Variants in ITGA6 observed in about 807,000 individuals in gnomAD.
The protein encoded by ITGA6 is integrin subunit alpha 6.
In ITGA6, 63 loss-of-function variants were observed where a neutral mutation model predicts 133.6. The ratio of observed to expected loss-of-function variants is 0.47; its 90% CI spans 0.38 to 0.58. The LOEUF is 0.58. Ranked by LOEUF, ITGA6 falls within the 20% of genes least tolerant of loss-of-function variation. The pLI is 0.00. For synonymous variants in ITGA6, 434 were observed against 482.0 expected (o/e 0.90, Z 1.30); for missense variants, 1,068 against 1,309.4 (o/e 0.82, Z 2.85).
chr2:172,432,064 A>G (rs560265969), intron 1 of ITGA6, among the ~76,000 whole-genome samples: 68 of 152,350 alleles, frequency 4.5e-4, no homozygotes, highest in Admixed American at 8.5e-4. Context: ...TCGGCTCAAC[A>G]TATTACTGTG....
At chr2:172,494,490 AGAGTG>A (rs1174611392) in intron 23 of ITGA6, among the ~76,000 whole-genome samples, 1 of 152,216 alleles carries the variant, frequency 6.6e-6, no homozygotes, top group Non-Finnish European at 1.5e-5. Flanking sequence ...CCAGGACAAC[AGAGTG>A]AGGCCCTGTC....
intron 1 of ITGA6, among the ~76,000 whole-genome samples, chr2:172,440,192 T>C (rs1330234153): frequency 2.6e-5 from 4 of 152,216 alleles, no homozygotes; most frequent in African/African-American, 9.7e-5. Flanking sequence ...ATATGAGTCC[T>C]GTTGGTTTGT....
rs61757097 is a variant in ITGA6, at chr2:172,491,304, G to C, written c.2862G>C (p.Ser954=). The part of the protein sequence containing the change: ...LDSKASLILR[S]RLWNSTFLEE... ...GCAAGGCGTCTCTTATTTTGCGCTCGAGGTTATGGAACAGCACATTTCTAG... is the reference window on the plus strand; with the variant it reads ...GCAAGGCGTCTCTTATTTTGCGCTCCAGGTTATGGAACAGCACATTTCTAG... The change falls in exon 22 of 26, where the codon TCG becomes TCC. Residue 954 remains serine (S), a synonymous_variant. Transcript: ENST00000684293. This position sits in a 1 kb window ranked among gnomAD's most constrained non-coding sequence, Gnocchi z 4.4. The C allele has an allele frequency of 4.9e-3, 7,862 of 1,611,538 alleles. 187 individuals carry two copies. The South Asian group carries it at 0.05, about 10-fold the overall frequency.
chr2:172,499,031 C>CGG (rs979525524), intron 24 of ITGA6, among the ~76,000 whole-genome samples: 1 of 152,152 alleles, frequency 6.6e-6, no homozygotes, highest in Non-Finnish European at 1.5e-5. Context: ...CAAACATGTC[C>CGG]GGTCTGGAGG....
At chr2:172,502,367 G>A (rs953201745) in intron 25 of ITGA6, among the ~76,000 whole-genome samples, 5 of 152,136 alleles carry the variant, frequency 3.3e-5, no homozygotes, top group Non-Finnish European at 7.4e-5. Context: ...GAAATGTTGT[G>A]TTTCTCTTGG....
intron 25 of ITGA6, among the ~76,000 whole-genome samples, chr2:172,502,200 A>G (rs575898864): frequency 1.8e-4 from 28 of 152,338 alleles, no homozygotes; most frequent in African/African-American, 6.7e-4. Context: ...TTAGCCCTCC[A>G]TAGTAGCCCA....
chr2:172,472,380 GC>G (rs1195982535), intron 5 of ITGA6, among the ~76,000 whole-genome samples: 1 of 152,224 alleles, frequency 6.6e-6, no homozygotes, highest in Non-Finnish European at 1.5e-5. Flanking sequence ...AATTGCACTG[GC>G]CAAGAAACCA....
At chr2:172,496,305 G>A (rs930830936) in intron 23 of ITGA6, among the ~76,000 whole-genome samples, 1 of 152,192 alleles carries the variant, frequency 6.6e-6, no homozygotes, top group African/African-American at 2.4e-5. Context: ...ACCTCATTTA[G>A]AGCATAACAG....
chr2:172,488,597 C>T (rs1470986624), intron 19 of ITGA6, among the ~76,000 whole-genome samples: 1 of 152,192 alleles, frequency 6.6e-6, no homozygotes, highest in Non-Finnish European at 1.5e-5. Flanking sequence ...GTAGGAAAGG[C>T]AGTGACTGGC....
rs886055139 is a variant in ITGA6, at chr2:172,505,724, G to T, written c.*1656G>T. 3.3e-5 allele frequency: 5 copies of T among 152,558 alleles called. No homozygotes were observed. The highest frequency in any genetic ancestry group is 1.9e-4 in the East Asian group (1 of 5,178). The allele number at this position is 152,558 out of a possible 1,614,324, so 9.5% of individuals were successfully genotyped here. A position where few individuals can be genotyped will look rare whatever the true frequency, so the allele number is the denominator to read the frequency against. ...GTTTGTAGTGCCACTGTTGTTTTGG[G>T]GGGGCTTTTTTCTTTTCGGAAATCT... On this transcript the variant is annotated 3_prime_UTR_variant, in exon 26 of 26. Transcript: ENST00000684293.
chr2:172,472,631 A>C (rs1685990908), intron 5 of ITGA6: 1 of 615,780 alleles, frequency 1.6e-6, no homozygotes, highest in Non-Finnish European at 2.9e-6. Context: ...GATCTGCTTG[A>C]GGTTTTGGAA....
intron 23 of ITGA6, among the ~76,000 whole-genome samples, chr2:172,492,657 C>CT (rs1328603821): frequency 6.6e-6 from 1 of 152,082 alleles, no homozygotes; most frequent in Non-Finnish European, 1.5e-5. Context: ...CCCACAGGGA[C>CT]TTGTATAAAG....
chr2:172,456,356 G>A (rs533755807), intron 1 of ITGA6, among the ~76,000 whole-genome samples: 3 of 152,222 alleles, frequency 2.0e-5, no homozygotes, highest in Non-Finnish European at 4.4e-5. Flanking sequence ...GCCAGATGCA[G>A]CTGCACTGTT....
chr2:172,445,279 T>C lies in ITGA6; in HGVS notation c.182+17309T>C, dbSNP rs889168153. ...CTGTGCCCGGCTGGTATTTATACTTTGTAAATTGCCTTTGTTGTTCTTAGT... is the reference window on the plus strand; with the variant it reads ...CTGTGCCCGGCTGGTATTTATACTTCGTAAATTGCCTTTGTTGTTCTTAGT... On this transcript the variant is annotated intron_variant, in intron 1 of 25. Transcript: ENST00000684293. Among the ~76,000 whole-genome samples the C allele has an allele frequency of 2.0e-5, 3 of 151,782 alleles. No homozygotes were observed. The South Asian group carries it at 6.3e-4, about 32-fold the overall frequency.
At chr2:172,437,485 C>A (rs1684369342) in intron 1 of ITGA6, among the ~76,000 whole-genome samples, 1 of 152,078 alleles carries the variant, frequency 6.6e-6, no homozygotes, top group Non-Finnish European at 1.5e-5. Flanking sequence ...TTGACCTGAG[C>A]AGCTGGAAGG....
intron 13 of ITGA6, among the ~76,000 whole-genome samples, chr2:172,486,186 A>AAAC (rs1553538630): frequency 1.3e-5 from 2 of 151,138 alleles, no homozygotes; most frequent in Non-Finnish European, 3.0e-5. Context: ...CAAAAAAAAA[A>AAAC]AAAAAAAAAA....
chr2:172,504,381 C>T lies in ITGA6; in HGVS notation c.*313C>T. 1 of 644,200 alleles carries T rather than the reference C, an allele frequency of 1.6e-6. No homozygotes were observed. Among genetic ancestry groups the T allele is most frequent in the Non-Finnish European group, 2.6e-6 (1 of 390,458 alleles). The allele number at this position is 644,200 out of a possible 1,614,324, so 39.9% of individuals were successfully genotyped here. A position where few individuals can be genotyped will look rare whatever the true frequency, so the allele number is the denominator to read the frequency against. ...CAGAGTGACTACACACAGTACGAACCTACAGTTTTAACTGTGGATATTGTT... is the reference window on the plus strand; with the variant it reads ...CAGAGTGACTACACACAGTACGAACTTACAGTTTTAACTGTGGATATTGTT... On this transcript the variant is annotated 3_prime_UTR_variant, in exon 26 of 26. Transcript: ENST00000684293.
intron 1 of ITGA6, among the ~76,000 whole-genome samples, chr2:172,448,154 G>C (rs1479550077): frequency 6.6e-6 from 1 of 152,098 alleles, no homozygotes; most frequent in African/African-American, 2.4e-5. Context: ...TAAAATTGCT[G>C]GTCTTGTGCT....
At chr2:172,437,264 G>A (rs992593644) in intron 1 of ITGA6, among the ~76,000 whole-genome samples, 13 of 152,238 alleles carry the variant, frequency 8.5e-5, no homozygotes, top group Non-Finnish European at 1.3e-4. Flanking sequence ...AGAGTAGACT[G>A]TATGAGGACA....
Sources: gnomAD v4.1 joint callset for allele counts (sites outside exome capture counted in the v4.1 genomes callset) on GRCh38, gnomAD v4.1.1 for gene constraint, Gnocchi (gnomAD v3.1) non-coding constraint, MANE v1.5 for transcripts, NCBI Gene and HGNC (gene_info 2026-07-23, HGNC 2026-07-21) for gene names.